The following CSGALNACT1 variants were observed in gnomAD, a reference collection of about 807,000 sequenced individuals.
CSGALNACT1 encodes chondroitin sulfate N-acetylgalactosaminyltransferase 1, also known as beta4GalNAcT-1.
In CSGALNACT1, 52 loss-of-function variants were observed where a neutral mutation model predicts 51.0. The observed-to-expected ratio is 1.02, with a 90% CI of 0.82 to 1.29. The LOEUF (loss-of-function observed/expected upper bound fraction) is 1.29, where lower values mean the gene tolerates loss of function less well. CSGALNACT1 is among the 50% of genes most tolerant of loss of function. The probability of loss-of-function intolerance (pLI) is 0.00; values close to 1 mark genes in which losing one functional copy is unlikely to be tolerated. For synonymous variants in CSGALNACT1, 341 were observed against 254.4 expected, an observed-to-expected ratio of 1.34 and a Z score of -3.24; for missense variants, 935 against 679.2, an observed-to-expected ratio of 1.38 and a Z score of -4.19.
chr8:19,737,086 C>T (rs180891031), intron 1 of CSGALNACT1, among the ~76,000 whole-genome samples: 1 of 152,074 alleles, frequency 6.6e-6, no homozygotes, highest in Non-Finnish European at 1.5e-5. Context: ...CAGTTAAATA[C>T]TATATTTTAA....
At chr8:19,545,756 T>C (rs2086316031) in intron 3 of CSGALNACT1, among the ~76,000 whole-genome samples, 1 of 150,476 alleles carries the variant, frequency 6.6e-6, no homozygotes, top group Non-Finnish European at 1.5e-5. Context: ...TGAGACCTGC[T>C]GAGAAAAGGA....
chr8:19,681,504 G>T (rs2060618070), intron 1 of CSGALNACT1, among the ~76,000 whole-genome samples: 1 of 152,170 alleles, frequency 6.6e-6, no homozygotes, highest in South Asian at 2.1e-4. Flanking sequence ...GAGGAGAGAG[G>T]TCAGAGCAGA....
intron 4 of CSGALNACT1, among the ~76,000 whole-genome samples, chr8:19,467,377 C>T (rs7007527): frequency 0.17 from 25,801 of 151,892 alleles, 2,432 homozygotes; most frequent in African/African-American, 0.24. Context: ...TACCTCGGCC[C>T]CCCAAAGTGC....
intron 4 of CSGALNACT1, among the ~76,000 whole-genome samples, chr8:19,474,048 C>G (rs775071343): frequency 2.6e-5 from 4 of 152,136 alleles, no homozygotes; most frequent in Non-Finnish European, 5.9e-5. Flanking sequence ...ACATTGTAAG[C>G]CTTTAGTAAA....
rs187855360 is a variant in CSGALNACT1, at chr8:19,697,078, G to A, written c.-297+60772C>T. ...ATTTCTCCTTTATTCCCACAAGAAC[G>A]GGAAGTGTGAGTTTCAAGTAGGTAA... On this transcript the variant is annotated intron_variant, in intron 1 of 1. Coordinates refer to the CSGALNACT1 transcript ENST00000517494. Among the ~76,000 whole-genome samples, 5 of 152,240 alleles carry A rather than the reference G, an allele frequency of 3.3e-5. No individual in the cohort carries two copies. In the South Asian group the frequency reaches 6.2e-4, roughly 19 times the overall value.
intron 4 of CSGALNACT1, among the ~76,000 whole-genome samples, chr8:19,487,881 G>GA (rs1335854898): frequency 2.0e-5 from 3 of 151,238 alleles, no homozygotes; most frequent in Non-Finnish European, 4.4e-5. Flanking sequence ...AACTGAGAAT[G>GA]AAAATTCTCA....
chr8:19,464,398 T>C (rs760857996), intron 4 of CSGALNACT1, among the ~76,000 whole-genome samples: 2 of 152,176 alleles, frequency 1.3e-5, no homozygotes, highest in Non-Finnish European at 2.9e-5. Flanking sequence ...AAAGTATCGA[T>C]ACCACAGTCC....
At chr8:19,448,522 A>G (rs2062535820) in intron 5 of CSGALNACT1, among the ~76,000 whole-genome samples, 1 of 152,194 alleles carries the variant, frequency 6.6e-6, no homozygotes, top group Admixed American at 6.6e-5. Context: ...GCCATAATAT[A>G]ATGCAGGATG....
chr8:19,654,516 G>A (rs750320046), intron 1 of CSGALNACT1, among the ~76,000 whole-genome samples: 3 of 152,172 alleles, frequency 2.0e-5, no homozygotes, highest in Non-Finnish European at 4.4e-5. Context: ...TGTTTAAAAT[G>A]AGGATGTTGT....
upstream of CSGALNACT1, among the ~76,000 whole-genome samples, chr8:19,606,312 G>A (rs4472533): frequency 0.18 from 28,092 of 152,022 alleles, 3,768 homozygotes; most frequent in African/African-American, 0.39. Context: ...CTTTAAATCA[G>A]TGAAGTCCCT....
At chr8:19,506,511 C>T (rs1004810011) in intron 3 of CSGALNACT1, among the ~76,000 whole-genome samples, 6 of 152,136 alleles carry the variant, frequency 3.9e-5, no homozygotes, top group African/African-American at 9.7e-5. Context: ...TTGCTGGCAG[C>T]GGACTACTTG....
At chr8:19,639,548 C>T (rs1027338617) in intron 1 of CSGALNACT1, among the ~76,000 whole-genome samples, 2 of 152,166 alleles carry the variant, frequency 1.3e-5, no homozygotes, top group Non-Finnish European at 2.9e-5. Flanking sequence ...GGTCAGGGCA[C>T]ATAGTTCCAT....
chr8:19,625,076 G>A (rs1365750539), intron 1 of CSGALNACT1, among the ~76,000 whole-genome samples: 2 of 152,158 alleles, frequency 1.3e-5, no homozygotes, highest in Non-Finnish European at 2.9e-5. Context: ...AACCATCTCA[G>A]CCAGGAAGGG....
chr8:19,568,381 A>G (rs373701832), intron 3 of CSGALNACT1, among the ~76,000 whole-genome samples: 29 of 152,266 alleles, frequency 1.9e-4, no homozygotes, highest in South Asian at 1.0e-3. Context: ...TGGTATTATA[A>G]TCTTATGGGA....
intron 3 of CSGALNACT1, among the ~76,000 whole-genome samples, chr8:19,568,182 C>T (rs572250957): frequency 6.6e-6 from 1 of 152,256 alleles, no homozygotes; most frequent in African/African-American, 2.4e-5. Flanking sequence ...ATCATGCAAA[C>T]ATCATATATT....
chr8:19,653,345 G>C lies in CSGALNACT1; in HGVS notation c.-544+29128C>G, dbSNP rs191312858. Among the ~76,000 whole-genome samples, 212 of 152,232 alleles carry C rather than the reference G, an allele frequency of 1.4e-3. 1 individual carries two copies. Among genetic ancestry groups the C allele is most frequent in the Non-Finnish European group, 2.2e-3 (152 of 68,010 alleles). ...GCAATCCTCCCCTCTCTGGATTTCAGAGGCCCCACCCTCCTGTCTCCTTGG... is the reference window on the plus strand; with the variant it reads ...GCAATCCTCCCCTCTCTGGATTTCACAGGCCCCACCCTCCTGTCTCCTTGG... On this transcript the variant is annotated intron_variant, in intron 1 of 9. Coordinates refer to the CSGALNACT1 transcript ENST00000332246.
At chr8:19,548,260 T>G (rs998844645) in intron 3 of CSGALNACT1, among the ~76,000 whole-genome samples, 4 of 152,190 alleles carry the variant, frequency 2.6e-5, no homozygotes, top group Admixed American at 2.6e-4. Flanking sequence ...TGCTTAATAT[T>G]GAAAATAAAG....
At chr8:19,746,564 G>T (rs1320749854) in intron 1 of CSGALNACT1, among the ~76,000 whole-genome samples, 2 of 152,212 alleles carry the variant, frequency 1.3e-5, no homozygotes, top group African/African-American at 4.8e-5. Context: ...TAGACAGATA[G>T]TACAGGTCAT....
At chr8:19,469,666 T>C (rs1296240939) in intron 4 of CSGALNACT1, among the ~76,000 whole-genome samples, 1 of 152,196 alleles carries the variant, frequency 6.6e-6, no homozygotes, top group Admixed American at 6.5e-5. Flanking sequence ...ACATCCTTCC[T>C]ACCATGTAGG....
Sources: gnomAD v4.1 joint callset for allele counts (sites outside exome capture counted in the v4.1 genomes callset) on GRCh38, gnomAD v4.1.1 for gene constraint, MANE v1.5 for transcripts, NCBI Gene and HGNC (gene_info 2026-07-23, HGNC 2026-07-21) for gene names.